DNAH14: variants seen among roughly 807,000 people sequenced by gnomAD.
The protein encoded by DNAH14 is dynein axonemal heavy chain 14.
In DNAH14, 478 loss-of-function variants were observed where a neutral mutation model predicts 520.9. The ratio of observed to expected loss-of-function variants is 0.92; its 90% CI spans 0.85 to 0.99. DNAH14 has a LOEUF of 0.99. DNAH14 is among the 50% of genes least tolerant of loss of function. DNAH14 has a pLI of 0.00. For missense variants in DNAH14, 4,831 were observed against 5,234.5 expected (o/e 0.92, Z 2.38); for synonymous variants, 1,581 against 1,757.2 (o/e 0.90, Z 2.51).
At chr1:225,123,204 T>C (rs1039538182) in intron 26 of DNAH14, among the ~76,000 whole-genome samples, 17 of 152,218 alleles carry the variant, frequency 1.1e-4, no homozygotes, top group African/African-American at 4.1e-4. Context: ...TTTGTAGAAA[T>C]TATTTCAAAT....
intron 60 of DNAH14, among the ~76,000 whole-genome samples, chr1:225,316,818 C>A (rs983602410): frequency 6.6e-6 from 1 of 152,202 alleles, no homozygotes; most frequent in Non-Finnish European, 1.5e-5. Flanking sequence ...CCCAATCATG[C>A]CACACTCCTA....
chr1:225,384,138 A>C (rs2095812101), intron 81 of DNAH14, among the ~76,000 whole-genome samples: 1 of 152,178 alleles, frequency 6.6e-6, no homozygotes, highest in African/African-American at 2.4e-5. Context: ...ACATTTGCTG[A>C]GGAGTGCTTT....
At chr1:225,214,024 G>A (rs10915804) in intron 41 of DNAH14, among the ~76,000 whole-genome samples, 3,880 of 152,248 alleles carry the variant, frequency 0.025, 77 homozygotes, top group Non-Finnish European at 0.041. Context: ...TGCCCATTGA[G>A]TATGATATTG....
At chr1:225,106,137 A>G (rs1433941074) in intron 23 of DNAH14, among the ~76,000 whole-genome samples, 2 of 150,078 alleles carry the variant, frequency 1.3e-5, no homozygotes, top group African/African-American at 5.0e-5. Flanking sequence ...TCCTTCACTT[A>G]TGGAGCTTAG....
At chr1:225,392,580 A>C in intron 84 of DNAH14, 129 bp downstream of exon 84, 1 of 1,137,600 alleles carries the variant, frequency 8.8e-7, no homozygotes, top group Non-Finnish European at 1.2e-6. Flanking sequence ...AGGCAGATCA[A>C]CAAGCCCTGC....
At chr1:225,086,610 A>C (rs531232417) in intron 21 of DNAH14, among the ~76,000 whole-genome samples, 1 of 152,282 alleles carries the variant, frequency 6.6e-6, no homozygotes, top group Admixed American at 6.5e-5. Context: ...ATTATTTGTA[A>C]TATTTAGGGA....
chr1:225,007,476 C>T lies in DNAH14; in HGVS notation c.1039C>T (p.Gln347Ter), dbSNP rs1040979463. The T allele has an allele frequency of 1.9e-6, 3 of 1,541,244 alleles. No homozygotes were observed. In the African/African-American group the frequency reaches 4.1e-5, roughly 21 times the overall value. The change falls in exon 10 of 86, where the codon CAG (glutamine) becomes TAG (stop). Residue 347 changes from glutamine (Q) to a stop codon, truncating the protein, a stop_gained. Coordinates refer to ENST00000682510, the MANE Select transcript of DNAH14 (RefSeq NM_001367479.1). LOFTEE classifies it high-confidence loss of function. ...TGAAGAGCAGTTACAGCAAGCTACCCAGGCATTGAAACAACTTGAGGACAT... is the reference window on the plus strand; with the variant it reads ...TGAAGAGCAGTTACAGCAAGCTACCTAGGCATTGAAACAACTTGAGGACAT... ...FCEEQLQQAT[Q>*]ALKQLEDIRN...
At chr1:225,334,469 C>G in intron 66 of DNAH14, among the ~76,000 whole-genome samples, 1 of 147,230 alleles carries the variant, frequency 6.8e-6, no homozygotes, top group East Asian at 2.3e-4. Flanking sequence ...ACATTCCAGC[C>G]TAGGCTACTG....
At position 224,967,482 on chromosome 1, in the gene DNAH14, C is replaced by G; in HGVS notation, c.550C>G (p.Pro184Ala). Residue 184 changes from proline to alanine, a missense_variant, in exon 6 of 86, where the codon CCT becomes GCT. Pro to Ala is a conservative substitution (Grantham distance 27). Coordinates refer to ENST00000682510, the MANE Select transcript of DNAH14 (RefSeq NM_001367479.1). Reference sequence around the variant, plus strand: ...TGTTTATTGCCTTCCTCGGAAAAGTCCTAAATCCCTTTACAATCCATATGA... The same window carrying G: ...TGTTTATTGCCTTCCTCGGAAAAGTGCTAAATCCCTTTACAATCCATATGA... The part of the protein sequence containing the change: ...EFVYCLPRKS[P>A]KSLYNPYDLQ... The G allele has an allele frequency of 1.9e-6, 3 of 1,594,928 alleles. No individual in the cohort carries two copies. The highest frequency in any genetic ancestry group is 2.6e-6 in the Non-Finnish European group (3 of 1,172,148).
intron 44 of DNAH14, among the ~76,000 whole-genome samples, chr1:225,256,165 G>C (rs6698787): frequency 2.6e-4 from 40 of 152,298 alleles, no homozygotes; most frequent in African/African-American, 9.4e-4. Context: ...TAAGCAATAA[G>C]AGAATTTAGT....
chr1:225,384,758 T>A (rs543614075), intron 81 of DNAH14, among the ~76,000 whole-genome samples: 161 of 152,114 alleles, frequency 1.1e-3, no homozygotes, highest in Middle Eastern at 3.4e-3. Flanking sequence ...CCAAAAAAAG[T>A]CCAGGACCAG....
chr1:225,244,949 G>A (rs572595813), intron 43 of DNAH14, among the ~76,000 whole-genome samples: 3 of 152,068 alleles, frequency 2.0e-5, no homozygotes, highest in African/African-American at 4.8e-5. Flanking sequence ...TTAGGGTGTC[G>A]ATTTTAGATC....
chr1:225,057,485 T>A (rs999470212), intron 17 of DNAH14, among the ~76,000 whole-genome samples: 6 of 152,184 alleles, frequency 3.9e-5, no homozygotes, highest in African/African-American at 1.2e-4. Flanking sequence ...CAGGGACAAT[T>A]TGACTTCCTC....
intron 41 of DNAH14, among the ~76,000 whole-genome samples, chr1:225,222,905 T>C (rs2090181673): frequency 6.6e-6 from 1 of 152,158 alleles, no homozygotes; most frequent in South Asian, 2.1e-4. Context: ...AACAAGATCA[T>C]GCACAAGGGC....
intron 41 of DNAH14, among the ~76,000 whole-genome samples, chr1:225,221,078 A>G (rs975892632): frequency 6.6e-6 from 1 of 152,134 alleles, no homozygotes; most frequent in Non-Finnish European, 1.5e-5. Context: ...TTAATAAATG[A>G]TGTTGGGAAA....
At chr1:224,955,268 C>T (rs1231348478) in intron 3 of DNAH14, among the ~76,000 whole-genome samples, 170 bp downstream of exon 3, 3 of 145,222 alleles carry the variant, frequency 2.1e-5, no homozygotes, top group East Asian at 2.0e-4. Flanking sequence ...CTTCAAATAA[C>T]GGGAACATTA....
chr1:225,190,761 A>C (rs572341512), intron 37 of DNAH14, among the ~76,000 whole-genome samples: 2 of 152,182 alleles, frequency 1.3e-5, no homozygotes, highest in East Asian at 3.9e-4. Flanking sequence ...CAGCAAGTCA[A>C]GGATTGAGGT....
At chr1:225,300,828 A>G in intron 55 of DNAH14, 41 bp from the exon 56 acceptor site, 2 of 1,534,708 alleles carry the variant, frequency 1.3e-6, no homozygotes, top group Non-Finnish European at 1.8e-6. Flanking sequence ...AGAATATATG[A>G]ATAATTTACT....
chr1:224,991,215 C>T (rs1241557370), intron 8 of DNAH14, among the ~76,000 whole-genome samples: 1 of 150,268 alleles, frequency 6.7e-6, no homozygotes, highest in Non-Finnish European at 1.5e-5. Context: ...CTGCCTCAGC[C>T]TCCCAAGTAG....
Sources: gnomAD v4.1 joint callset for allele counts (sites outside exome capture counted in the v4.1 genomes callset) on GRCh38, gnomAD v4.1.1 for gene constraint, MANE v1.5 for transcripts, NCBI Gene and HGNC (gene_info 2026-07-23, HGNC 2026-07-21) for gene names.